GPC6: variants seen among roughly 807,000 people sequenced by gnomAD.
GPC6 encodes glypican-6.
Under a neutral mutation model 55.2 loss-of-function variants are expected in GPC6, and 14 were observed. The observed-to-expected ratio is 0.25, with a 90% CI of 0.17 to 0.40. The LOEUF (loss-of-function observed/expected upper bound fraction) is 0.40, where lower values mean the gene tolerates loss of function less well. GPC6 is among the 10% of genes least tolerant of loss of function. The pLI, the probability that GPC6 is intolerant of heterozygous loss-of-function variation, is 1.00. For synonymous variants in GPC6, 278 were observed against 259.6 expected, an observed-to-expected ratio of 1.07 and a Z score of -0.68; for missense variants, 641 against 708.5, an observed-to-expected ratio of 0.90 and a Z score of 1.08.
chr13:93,628,728 A>G (rs1053460098), intron 2 of GPC6, among the ~76,000 whole-genome samples: 1 of 152,198 alleles, frequency 6.6e-6, no homozygotes, highest in Non-Finnish European at 1.5e-5. Flanking sequence ...GAAGTGTCGG[A>G]TTTTGGATTA....
At chr13:94,001,752 CAAAGTA>C (rs1286304075) in intron 3 of GPC6, among the ~76,000 whole-genome samples, 1 of 151,858 alleles carries the variant, frequency 6.6e-6, no homozygotes. Flanking sequence ...TGTATTGAGT[CAAAGTA>C]AAAGAACCAT....
At chr13:93,838,381 A>G (rs990109761) in intron 3 of GPC6, among the ~76,000 whole-genome samples, 7 of 152,298 alleles carry the variant, frequency 4.6e-5, no homozygotes, top group African/African-American at 1.2e-4. Context: ...AAGAATGAAT[A>G]GCATCTCACA....
chr13:94,220,063 G>C (rs1890338580), intron 4 of GPC6, among the ~76,000 whole-genome samples: 1 of 152,086 alleles, frequency 6.6e-6, no homozygotes, highest in Non-Finnish European at 1.5e-5. Flanking sequence ...CAACAGAGTA[G>C]GTCCAGTTTA....
At chr13:94,311,449 G>A (rs538694732) in intron 6 of GPC6, among the ~76,000 whole-genome samples, 15 of 152,114 alleles carry the variant, frequency 9.9e-5, no homozygotes, top group Admixed American at 3.9e-4. Context: ...GATTACAGGC[G>A]AGAGCCACTG....
intron 1 of GPC6, among the ~76,000 whole-genome samples, chr13:93,332,654 T>C (rs1049260949): frequency 6.6e-6 from 1 of 152,198 alleles, no homozygotes. Flanking sequence ...TCTCCCATTC[T>C]GTAGGTTATC....
chr13:93,321,405 T>C (rs2139122918), intron 1 of GPC6, among the ~76,000 whole-genome samples: 1 of 152,294 alleles, frequency 6.6e-6, no homozygotes, highest in East Asian at 1.9e-4. Flanking sequence ...TCCCAGGTAG[T>C]GCTTTCTTCT....
Position 93,497,229 on chromosome 13 carries a change from A to C in GPC6, c.161-48034A>C, listed in dbSNP as rs186900179. ...GATCAGATAGTAGCCTAGGGCATCT[A>C]CATTCACATTGTGTCCTGATTGCTC... On this transcript the variant is annotated intron_variant, in intron 1 of 8. Coordinates refer to ENST00000377047, the MANE Select transcript of GPC6 (RefSeq NM_005708.5). Among the ~76,000 whole-genome samples the C allele has an allele frequency of 2.0e-5, 3 of 152,242 alleles. No homozygotes were observed. The South Asian group carries it at 6.2e-4, about 31-fold the overall frequency.
chr13:93,680,479 A>C (rs765589779), intron 2 of GPC6, among the ~76,000 whole-genome samples: 1 of 152,310 alleles, frequency 6.6e-6, no homozygotes, highest in South Asian at 2.1e-4. Flanking sequence ...CCAGAGAAAG[A>C]AAGCCTGGTA....
chr13:93,285,411 G>A (rs1019148375), intron 1 of GPC6, among the ~76,000 whole-genome samples: 6 of 152,030 alleles, frequency 3.9e-5, no homozygotes, highest in Non-Finnish European at 5.9e-5. Flanking sequence ...CTAATATCTG[G>A]AATAGGAAGT....
intron 1 of GPC6, among the ~76,000 whole-genome samples, chr13:93,393,123 T>TAG (rs1213506339): frequency 1.1e-3 from 107 of 94,654 alleles, no homozygotes; most frequent in East Asian, 4.4e-3. Flanking sequence ...TATATATATA[T>TAG]ATATAGAGAG....
chr13:93,452,557 T>G (rs1422683370), intron 1 of GPC6, among the ~76,000 whole-genome samples: 1 of 152,224 alleles, frequency 6.6e-6, no homozygotes, highest in African/African-American at 2.4e-5. Context: ...CTTTTTACCA[T>G]GAAATAGTAA....
At chr13:93,420,310 A>C (rs2139258308) in intron 1 of GPC6, among the ~76,000 whole-genome samples, 1 of 152,258 alleles carries the variant, frequency 6.6e-6, no homozygotes, top group Non-Finnish European at 1.5e-5. Flanking sequence ...AGTTTAATGA[A>C]GGTAGTCAGG....
intron 2 of GPC6, among the ~76,000 whole-genome samples, chr13:93,742,002 A>G (rs1884220599): frequency 6.6e-6 from 1 of 152,208 alleles, no homozygotes; most frequent in African/African-American, 2.4e-5. Flanking sequence ...TAAATAACAA[A>G]TGTAGAATTG....
intron 1 of GPC6, chr13:93,395,311 C>G (rs1395238526): frequency 2.1e-6 from 1 of 482,834 alleles, no homozygotes; most frequent in African/African-American, 2.0e-5. Flanking sequence ...CACCAGCCAT[C>G]TCTTGCTTTG....
At chr13:93,926,205 T>C (rs1877848296) in intron 3 of GPC6, among the ~76,000 whole-genome samples, 1 of 152,098 alleles carries the variant, frequency 6.6e-6, no homozygotes, top group East Asian at 1.9e-4. Context: ...GGGGCCTAGA[T>C]AGGGAAGACA....
At chr13:94,269,777 A>G (rs1373744983) in intron 4 of GPC6, among the ~76,000 whole-genome samples, 1 of 151,992 alleles carries the variant, frequency 6.6e-6, no homozygotes, top group Non-Finnish European at 1.5e-5. Flanking sequence ...GACCTGATTG[A>G]CCCCAGGTGC....
chr13:94,341,238 T>C (rs1878018574), intron 6 of GPC6, among the ~76,000 whole-genome samples: 1 of 152,190 alleles, frequency 6.6e-6, no homozygotes, highest in South Asian at 2.1e-4. Context: ...AGTAGTAGTT[T>C]CCTTTTGCCT....
intron 3 of GPC6, among the ~76,000 whole-genome samples, chr13:93,990,848 G>A (rs1881267569): frequency 6.6e-6 from 1 of 150,834 alleles, no homozygotes; most frequent in Non-Finnish European, 1.5e-5. Context: ...CAGTGATAGA[G>A]CAAGACCCTG....
intron 1 of GPC6, among the ~76,000 whole-genome samples, chr13:93,507,053 C>G (rs371660878): frequency 2.9e-5 from 3 of 102,714 alleles, no homozygotes; most frequent in Non-Finnish European, 5.3e-5. Flanking sequence ...CAGAGCGAGA[C>G]TCCGTCTCAA....
Sources: gnomAD v4.1 joint callset for allele counts (sites outside exome capture counted in the v4.1 genomes callset) on GRCh38, gnomAD v4.1.1 for gene constraint, MANE v1.5 for transcripts, NCBI Gene and HGNC (gene_info 2026-07-23, HGNC 2026-07-21) for gene names.